The following MED13 variants were observed in gnomAD, a reference collection of about 807,000 sequenced individuals.
MED13 encodes the protein mediator of RNA polymerase II transcription subunit 13.
In MED13, 23 loss-of-function variants were observed where a neutral mutation model predicts 225.2. That is an observed-to-expected ratio of 0.10 (90% confidence interval 0.07 to 0.14). MED13 has a LOEUF of 0.14. MED13 is among the 10% of genes least tolerant of loss of function. The pLI is 1.00. For synonymous variants in MED13, 942 were observed against 889.2 expected, an observed-to-expected ratio of 1.06 and a Z score of -1.06; for missense variants, 2,197 against 2,594.5, an observed-to-expected ratio of 0.85 and a Z score of 3.33.
chr17:62,038,829 AAT>A (rs2080828372), intron 3 of MED13, among the ~76,000 whole-genome samples: 1 of 146,482 alleles, frequency 6.8e-6, no homozygotes, highest in African/African-American at 2.8e-5. Context: ...ACACCCAGCT[AAT>A]TTTTTTTTTC....
chr17:62,050,766 G>A (rs1161666356), intron 3 of MED13, among the ~76,000 whole-genome samples: 1 of 152,182 alleles, frequency 6.6e-6, no homozygotes, highest in Admixed American at 6.5e-5. Context: ...CACTTTAGGA[G>A]GCCGAGGCGG....
At chr17:62,016,351 T>A (rs1158544831) in intron 8 of MED13, among the ~76,000 whole-genome samples, 1 of 152,072 alleles carries the variant, frequency 6.6e-6, no homozygotes, top group African/African-American at 2.4e-5. Context: ...TGGGTTCTTT[T>A]TGAATACTTT....
intron 8 of MED13, among the ~76,000 whole-genome samples, chr17:62,020,423 C>T (rs2080629041): frequency 6.6e-6 from 1 of 152,132 alleles, no homozygotes; most frequent in African/African-American, 2.4e-5. Flanking sequence ...TTTTGCCAGG[C>T]TGGAGTGCAG....
intron 2 of MED13, among the ~76,000 whole-genome samples, chr17:62,058,463 GT>G (rs2143775665): frequency 6.8e-6 from 1 of 147,890 alleles, no homozygotes; most frequent in South Asian, 2.2e-4. Flanking sequence ...GGAGGTCGCA[GT>G]GAGCCAAGAT....
intron 4 of MED13, among the ~76,000 whole-genome samples, 171 bp downstream of exon 4, chr17:62,035,292 T>G (rs1007716818): frequency 2.0e-5 from 3 of 152,290 alleles, no homozygotes; most frequent in African/African-American, 7.2e-5. Context: ...ATTTAAAAAT[T>G]TATTTCACTG....
chr17:62,010,534 TA>T lies in MED13; in HGVS notation c.1967+15del, dbSNP rs749469614. The stretch of plus-strand genomic sequence containing the variant: ...ACCCTTAAATTATAATGGTGACTAT[TA>T]AAAAAAATACATACTCTGTAACTGA... On this transcript the variant is annotated intron_variant, in intron 9 of 29. Transcript: ENST00000397786. The T allele has an allele frequency of 3.3e-5, 46 of 1,399,060 alleles. No homozygotes were observed. The highest frequency in any genetic ancestry group is 1.1e-4 in the South Asian group (5 of 47,436). The allele number at this position is 1,399,060 out of a possible 1,614,324, so 86.7% of individuals were successfully genotyped here.
At chr17:62,033,298 TA>T (rs2143685369) in intron 5 of MED13, among the ~76,000 whole-genome samples, 1 of 152,356 alleles carries the variant, frequency 6.6e-6, no homozygotes, top group South Asian at 2.1e-4. Flanking sequence ...TACCAAATGT[TA>T]AAACATCATA....
In MED13 at chr17:62,011,106, G is replaced by A. The variant is rs1274752217; in HGVS notation, c.1411C>T (p.Arg471Cys). The part of the protein sequence containing the change: ...KQEKSEKPQK[R>C]PLTPFHHRVS... ...CGATGGTGAAAAGGAGTCAAGGGGC[G>A]TTTCTGTGGCTTTTCACTCTTTTCT... Residue 471 changes from arginine (R) to cysteine (C), a missense_variant, in exon 9 of 30, where the codon CGC (arginine) becomes TGC (cysteine). By Grantham distance (180) the Arg-to-Cys change is radical. Around this residue, in one of 12 missense-constraint regions of MED13, gnomAD observed 884 missense variants for 918.5 expected, o/e 0.96. Coordinates refer to ENST00000397786, the MANE Select transcript of MED13 (RefSeq NM_005121.3). 18 of 1,614,066 alleles carry A rather than the reference G, an allele frequency of 1.1e-5. No individual in the cohort carries two copies. The highest frequency in any genetic ancestry group is 1.6e-4 in the Middle Eastern group (1 of 6,084).
chr17:62,048,034 A>ATACAT (rs1199238007), intron 3 of MED13, among the ~76,000 whole-genome samples: 1 of 124,152 alleles, frequency 8.1e-6, no homozygotes, highest in East Asian at 3.1e-4. Context: ...ACATATACAT[A>ATACAT]TACATATACA....
Position 62,064,662 on chromosome 17 carries a change from C to CA in MED13, c.66+477dup, listed in dbSNP as rs200645772. Among the ~76,000 whole-genome samples, 536 of 151,816 alleles carry CA rather than the reference C, an allele frequency of 3.5e-3. 4 individuals are homozygous for CA. Among genetic ancestry groups the CA allele is most frequent in the Middle Eastern group, 0.014 (4 of 294 alleles). On this transcript the variant is annotated intron_variant, in intron 1 of 29. Transcript: ENST00000397786. ...TAACCTGGCGTTAGTTTGACTCATACAAAAAAAATGTAAAACCAAGACAGG... is the reference window on the plus strand; with the variant it reads ...TAACCTGGCGTTAGTTTGACTCATACAAAAAAAAATGTAAAACCAAGACAGG...
intron 3 of MED13, among the ~76,000 whole-genome samples, chr17:62,044,640 C>A (rs2080883164): frequency 6.6e-6 from 1 of 152,174 alleles, no homozygotes; most frequent in Non-Finnish European, 1.5e-5. Context: ...GACATACAAA[C>A]ACACATATAT....
chr17:62,028,753 G>A (rs2080725965), intron 8 of MED13, among the ~76,000 whole-genome samples: 1 of 151,980 alleles, frequency 6.6e-6, no homozygotes, highest in African/African-American at 2.4e-5. Context: ...GCTGAGGCAG[G>A]AGAATGGCGT....
At chr17:61,980,757 T>C (rs144413469) in intron 16 of MED13, among the ~76,000 whole-genome samples, 2 of 152,212 alleles carry the variant, frequency 1.3e-5, no homozygotes, top group Non-Finnish European at 2.9e-5. Flanking sequence ...TTCCACACAA[T>C]AGCAACAGAG....
chr17:61,969,929 T>A (rs913538043), intron 17 of MED13, among the ~76,000 whole-genome samples: 15 of 152,146 alleles, frequency 9.9e-5, no homozygotes, highest in African/African-American at 3.1e-4. Flanking sequence ...AAAAAAATTT[T>A]TAAAAGAAAA....
At chr17:62,032,069 CT>C (rs2080762307) in intron 5 of MED13, among the ~76,000 whole-genome samples, 1 of 151,656 alleles carries the variant, frequency 6.6e-6, no homozygotes, top group African/African-American at 2.4e-5. Context: ...TTTTAAAAGC[CT>C]AAAAAATGTG....
rs144524474 is a variant in MED13 at position 61,955,304 on chromosome 17, TCA to T, written c.5968+76_5968+77del. On this transcript the variant is annotated intron_variant, in intron 26 of 29. Coordinates refer to ENST00000397786, the MANE Select transcript of MED13 (RefSeq NM_005121.3). ...ATTTTTTGGTAAAACAAGGTAACAT[TCA>T]CACGTTTCAGGTATTGGACATGAAT... The T allele has an allele frequency of 1.2e-3, 1,480 of 1,203,052 alleles. 23 individuals carry two copies. In the East Asian group the frequency reaches 0.035, roughly 28 times the overall value. The allele number at this position is 1,203,052 out of a possible 1,614,324, so 74.5% of individuals were successfully genotyped here. A position where few individuals can be genotyped will look rare whatever the true frequency, so the allele number is the denominator to read the frequency against.
intron 11 of MED13, among the ~76,000 whole-genome samples, chr17:61,988,268 C>T (rs2080265602): frequency 6.6e-6 from 1 of 152,166 alleles, no homozygotes. Flanking sequence ...ATAAATATTA[C>T]CGCTTAGTTA....
intron 17 of MED13, 99 bp downstream of exon 17, chr17:61,972,628 A>AATATATTTGTG: frequency 8.8e-7 from 1 of 1,140,218 alleles, no homozygotes; most frequent in Non-Finnish European, 1.2e-6. Context: ...ATATATCACA[A>AATATATTTGTG]ATATATTTAA....
chr17:61,969,912 C>G (rs930634116), intron 17 of MED13, among the ~76,000 whole-genome samples: 1 of 151,662 alleles, frequency 6.6e-6, no homozygotes, highest in Non-Finnish European at 1.5e-5. Context: ...AGTGTTCTTA[C>G]CATAATAAAA....
Sources: gnomAD v4.1 joint callset for allele counts (sites outside exome capture counted in the v4.1 genomes callset) on GRCh38, gnomAD v4.1.1 for gene constraint, gnomAD v4.1.1 regional missense constraint, MANE v1.5 for transcripts, NCBI Gene and HGNC (gene_info 2026-07-23, HGNC 2026-07-21) for gene names.